Variants in ZNF75D observed in about 807,000 individuals in gnomAD.
ZNF75D encodes zinc finger protein 75.
In ZNF75D, 33 loss-of-function variants were observed where a neutral mutation model predicts 33.3. The ratio of observed to expected loss-of-function variants is 0.99; its 90% CI spans 0.75 to 1.32. The LOEUF (loss-of-function observed/expected upper bound fraction) is 1.32. Ranked by LOEUF, ZNF75D falls within the 40% of genes most tolerant of loss-of-function variation. The pLI is 0.00. For missense variants in ZNF75D, 338 were observed against 367.5 expected (o/e 0.92, Z 0.66); for synonymous variants, 113 against 130.6 (o/e 0.87, Z 0.92).
At chrX:135,275,968 T>A (rs1028743871) in intron 1 of ZNF75D, among the ~76,000 whole-genome samples, 2 of 111,762 alleles carry the variant, frequency 1.8e-5, no homozygotes, top group Non-Finnish European at 1.9e-5. Flanking sequence ...AAAATATTCT[T>A]AATCCATGGC....
chrX:135,288,280 T>C (rs1301984507), intron 6 of ZNF75D, among the ~76,000 whole-genome samples: 1 of 112,324 alleles, frequency 8.9e-6, no homozygotes, highest in African/African-American at 3.2e-5. Context: ...CTAGCGCCAA[T>C]GTGCAGTTGG....
intron 1 of ZNF75D, among the ~76,000 whole-genome samples, chrX:135,322,701 T>C (rs1308802193): frequency 1.8e-5 from 2 of 112,417 alleles, no homozygotes; most frequent in East Asian, 5.6e-4. Context: ...GGGGTCCTTT[T>C]AAAACTCAAG....
chrX:135,297,894 T>C (rs1029273363), intron 1 of ZNF75D: 10 of 111,982 alleles, frequency 8.9e-5, no homozygotes, highest in African/African-American at 2.9e-4. Context: ...AGCATTGTTG[T>C]TGGGTTTATG....
chrX:135,259,690 T>G (rs1342922572), intron 1 of ZNF75D, among the ~76,000 whole-genome samples: 1 of 112,170 alleles, frequency 8.9e-6, no homozygotes, highest in Non-Finnish European at 1.9e-5. Context: ...AAGGAGATTT[T>G]GGACTGAGAC....
At chrX:135,331,947 CT>C (rs1436577472) in intron 1 of ZNF75D, among the ~76,000 whole-genome samples, 1 of 111,799 alleles carries the variant, frequency 8.9e-6, no homozygotes, top group Non-Finnish European at 1.9e-5. Context: ...ATGCAGCTGG[CT>C]GTAGGATGAA....
At chrX:135,278,581 T>A (rs782111966) in intron 1 of ZNF75D, among the ~76,000 whole-genome samples, 1 of 112,050 alleles carries the variant, frequency 8.9e-6, no homozygotes, top group Admixed American at 9.4e-5. Flanking sequence ...TCAAAGGGAA[T>A]GCTCCCAGCT....
chrX:135,320,946 T>G (rs1374845730), intron 1 of ZNF75D, among the ~76,000 whole-genome samples: 2 of 109,070 alleles, frequency 1.8e-5, no homozygotes, highest in Admixed American at 9.8e-5. Context: ...TTGGGGGGGG[T>G]TATCTTAGTC....
At chrX:135,318,763 AAAAG>A (rs1325810334) in intron 1 of ZNF75D, among the ~76,000 whole-genome samples, 1 of 112,061 alleles carries the variant, frequency 8.9e-6, no homozygotes, top group African/African-American at 3.2e-5. Flanking sequence ...GCCTAAGGAA[AAAAG>A]AAAGGCAACT....
chrX:135,330,865 G>A (rs1268356280), intron 1 of ZNF75D: 1 of 111,681 alleles, frequency 9.0e-6, no homozygotes, highest in African/African-American at 3.3e-5. Flanking sequence ...CTCAGACACA[G>A]GGGAGATACA....
chrX:135,298,832 T>C (rs2084171177), intron 1 of ZNF75D, among the ~76,000 whole-genome samples: 1 of 111,811 alleles, frequency 8.9e-6, no homozygotes, highest in Non-Finnish European at 1.9e-5. Context: ...CTACTTTTTC[T>C]TCTCTATACA....
In ZNF75D at chrX:135,338,986, C is replaced by T. The variant is rs137889221; in HGVS notation, c.-391+2782G>A. On this transcript the variant is annotated intron_variant, in intron 1 of 6. Transcript: ENST00000370766. Reference sequence around the variant, plus strand: ...TTGCTTTTCTCCTTCTTGTCCTCCTCTCCCTTCTCTCCCTCTCTCCCTACC... The same window carrying T: ...TTGCTTTTCTCCTTCTTGTCCTCCTTTCCCTTCTCTCCCTCTCTCCCTACC... Among the ~76,000 whole-genome samples, 394 of 106,313 alleles carry T rather than the reference C, an allele frequency of 3.7e-3. 2 individuals carry two copies. The highest frequency in any genetic ancestry group is 0.013 in the African/African-American group (374 of 28,955). The allele number at this position is 106,313 out of a possible 115,157, so 92.3% of individuals were successfully genotyped here.
intron 1 of ZNF75D, among the ~76,000 whole-genome samples, chrX:135,263,782 G>A (rs973526327): frequency 8.0e-5 from 9 of 112,687 alleles, no homozygotes; most frequent in South Asian, 3.6e-4. Flanking sequence ...TGGGTGAGGC[G>A]ACACCCCGCC....
At chrX:135,302,670 C>A (rs1297949376) in intron 1 of ZNF75D, among the ~76,000 whole-genome samples, 1 of 111,719 alleles carries the variant, frequency 9.0e-6, no homozygotes, top group Non-Finnish European at 1.9e-5. Context: ...ATCTAAATCA[C>A]AAAAGGGAAG....
At position 135,342,901 on chromosome X, in the gene ZNF75D, GT is replaced by G. The variant is rs2025496061; in HGVS notation, c.-1525del. ...GCCAAGCAAAAGTCACTTGCCCAAAGTCGCACAGCTAGTAGGGAGCAGAGCC... is the reference window on the plus strand; with the variant it reads ...GCCAAGCAAAAGTCACTTGCCCAAAGCGCACAGCTAGTAGGGAGCAGAGCC... On this transcript the variant is annotated 5_prime_UTR_variant, in exon 1 of 7. Transcript: ENST00000370766. 8.9e-6 allele frequency: 1 copy of G among 111,755 alleles called. No homozygotes were observed. The highest frequency in any genetic ancestry group is 1.9e-5 in the Non-Finnish European group (1 of 53,211). 9.2% of individuals were successfully genotyped at this position (111,755 alleles called of 1,213,427 possible). A position where few individuals can be genotyped will look rare whatever the true frequency, so the allele number is the denominator to read the frequency against.
intron 1 of ZNF75D, among the ~76,000 whole-genome samples, chrX:135,257,558 C>T (rs180913277): frequency 1.8e-5 from 2 of 113,309 alleles, no homozygotes; most frequent in East Asian, 2.8e-4. Flanking sequence ...TCCCAGACTG[C>T]ATCTCTGGAC....
chrX:135,258,033 A>G (rs969432183), intron 1 of ZNF75D, among the ~76,000 whole-genome samples: 121 of 108,592 alleles, frequency 1.1e-3, no homozygotes, highest in African/African-American at 3.8e-3. Context: ...TCATTGTTCA[A>G]TTACCACCTA....
At chrX:135,285,703 AT>A (rs2083940956), downstream of ZNF75D, 1 of 111,990 alleles carries the variant, frequency 8.9e-6, no homozygotes, top group East Asian at 2.8e-4. Context: ...CATTTTATAA[AT>A]TTGGAAACAG....
At chrX:135,287,880 G>T (rs1602598540) in intron 6 of ZNF75D, 34 bp from the exon 7 acceptor site, 1 of 1,059,936 alleles carries the variant, frequency 9.4e-7, no homozygotes. Flanking sequence ...AGCCATCTGT[G>T]TCCCAGTGAA....
At chrX:135,300,639 C>A (rs919251162) in intron 1 of ZNF75D, among the ~76,000 whole-genome samples, 1 of 109,038 alleles carries the variant, frequency 9.2e-6, no homozygotes, top group Admixed American at 9.8e-5. Flanking sequence ...CCCAGCTACT[C>A]GGGAGGCTGA....
Sources: gnomAD v4.1 joint callset for allele counts (sites outside exome capture counted in the v4.1 genomes callset) on GRCh38, gnomAD v4.1.1 for gene constraint, MANE v1.5 for transcripts, NCBI Gene and HGNC (gene_info 2026-07-23, HGNC 2026-07-21) for gene names.